The following FGF1 variants were observed in gnomAD, a reference collection of about 807,000 sequenced individuals.
FGF1 encodes fibroblast growth factor 1.
Under a neutral mutation model 13.4 loss-of-function variants are expected in FGF1, and 9 were observed. That is an observed-to-expected ratio of 0.67 (90% confidence interval 0.40 to 1.17). The LOEUF is 1.17. FGF1 is among the 50% of genes most tolerant of loss of function. FGF1 has a pLI of 0.01. For missense variants in FGF1, 156 were observed against 192.7 expected, an observed-to-expected ratio of 0.81 and a Z score of 1.13; for synonymous variants, 93 against 79.0, an observed-to-expected ratio of 1.18 and a Z score of -0.94.
chr5:142,660,928 AGGCAACAGGACTCCT>A (rs1769105666), intron 1 of FGF1, among the ~76,000 whole-genome samples: 1 of 152,196 alleles, frequency 6.6e-6, no homozygotes, highest in African/African-American at 2.4e-5. Context: ...CTCTGGCTCC[AGGCAACAGGACTCCT>A]GGCCCAGGCT....
chr5:142,609,066 G>A (rs953914007), intron 2 of FGF1, among the ~76,000 whole-genome samples: 1 of 151,974 alleles, frequency 6.6e-6, no homozygotes, highest in Non-Finnish European at 1.5e-5. Context: ...TAACTGCTAG[G>A]TGCTGAGTGA....
upstream of FGF1, among the ~76,000 whole-genome samples, chr5:142,689,696 T>TG (rs764196191): frequency 2.9e-5 from 2 of 69,430 alleles, no homozygotes; most frequent in East Asian, 2.6e-4. Flanking sequence ...CGATCCTAGT[T>TG]TTTTTTTTTT....
intron 1 of FGF1, among the ~76,000 whole-genome samples, chr5:142,677,690 C>T (rs983672238): frequency 2.6e-5 from 4 of 152,270 alleles, no homozygotes; most frequent in South Asian, 2.1e-4. Flanking sequence ...CTTTAACACT[C>T]CCAACATTTA....
chr5:142,613,887 G>A (rs1561553149), intron 2 of FGF1, 72 bp downstream of exon 2: 1 of 1,506,180 alleles, frequency 6.6e-7, no homozygotes, highest in Non-Finnish European at 9.0e-7. Context: ...GTACTTAAAT[G>A]TGCACCTTCC....
intron 2 of FGF1, among the ~76,000 whole-genome samples, chr5:142,602,587 G>A (rs1230346327): frequency 6.6e-6 from 1 of 152,182 alleles, no homozygotes; most frequent in Non-Finnish European, 1.5e-5. Context: ...CTGGGGGGAT[G>A]CAGAAACAAG....
Position 142,656,516 on chromosome 5 carries a change from G to A in FGF1, c.-35+29441C>T, listed in dbSNP as rs116146453. Among the ~76,000 whole-genome samples, 1,069 of 152,260 alleles carry A rather than the reference G, an allele frequency of 7.0e-3. 12 individuals carry two copies. Among genetic ancestry groups the A allele is most frequent in the African/African-American group, 0.023 (935 of 41,538 alleles). ...AACAGCATACTTATGTGTAGACCCC[G>A]TGACTGACAACTCCAGCATTAAGAA... On this transcript the variant is annotated intron_variant, in intron 1 of 3. Transcript: ENST00000337706.
intron 1 of FGF1, among the ~76,000 whole-genome samples, chr5:142,674,884 T>C (rs367918511): frequency 2.0e-5 from 3 of 152,132 alleles, no homozygotes; most frequent in East Asian, 1.9e-4. Flanking sequence ...GGGAGAGGCC[T>C]GGAGGGAACG....
chr5:142,604,554 G>C (rs1757242736), intron 2 of FGF1, among the ~76,000 whole-genome samples: 1 of 152,066 alleles, frequency 6.6e-6, no homozygotes, highest in Non-Finnish European at 1.5e-5. Flanking sequence ...CAAAGTATTT[G>C]CCTCTGTTTC....
At chr5:142,605,783 C>A (rs936353281) in intron 2 of FGF1, among the ~76,000 whole-genome samples, 27 of 152,178 alleles carry the variant, frequency 1.8e-4, no homozygotes, top group Non-Finnish European at 8.8e-5. Flanking sequence ...GTAGGGCTGG[C>A]AGGAAGGAGC....
chr5:142,689,714 T>TTTC, upstream of FGF1, among the ~76,000 whole-genome samples: 1 of 139,680 alleles, frequency 7.2e-6, no homozygotes, highest in Admixed American at 7.2e-5. Context: ...TTTTTTTTTT[T>TTTC]CTGAGACAAG....
intron 1 of FGF1, among the ~76,000 whole-genome samples, chr5:142,638,144 G>C (rs190588223): frequency 6.6e-6 from 1 of 152,108 alleles, no homozygotes; most frequent in East Asian, 1.9e-4. Context: ...AGCTCTCCTG[G>C]TCTTTGTACT....
intron 1 of FGF1, chr5:142,671,770 C>G (rs1437261633): frequency 6.6e-6 from 1 of 152,240 alleles, no homozygotes; most frequent in Non-Finnish European, 1.5e-5. Flanking sequence ...TGAACACGTT[C>G]TGCACATTTG....
chr5:142,603,978 T>C (rs1235911394), intron 2 of FGF1, among the ~76,000 whole-genome samples: 3 of 152,240 alleles, frequency 2.0e-5, no homozygotes, highest in African/African-American at 7.2e-5. Context: ...CAGATGAGTC[T>C]GGAAACAGTG....
At position 142,628,010 on chromosome 5, in the gene FGF1, A is replaced by G. The variant is rs992227472; in HGVS notation, c.-34-13849T>C. 2.0e-5 allele frequency among the ~76,000 whole-genome samples: 3 copies of G among 152,116 alleles called. No homozygotes were observed. The East Asian group carries it at 5.8e-4, about 29-fold the overall frequency. On this transcript the variant is annotated intron_variant, in intron 1 of 3. Transcript: ENST00000337706. Reference sequence around the variant, plus strand: ...CTACACCTGGCTCCACTCACAACCCAGCTGTTGGCAGGCAAAGGAGTCCTC... The same window carrying G: ...CTACACCTGGCTCCACTCACAACCCGGCTGTTGGCAGGCAAAGGAGTCCTC...
chr5:142,605,372 C>T (rs959232900), intron 2 of FGF1, among the ~76,000 whole-genome samples: 2 of 151,834 alleles, frequency 1.3e-5, no homozygotes, highest in Non-Finnish European at 1.5e-5. Flanking sequence ...CCACCCCCCT[C>T]GGCCTCCCAA....
intron 1 of FGF1, among the ~76,000 whole-genome samples, chr5:142,647,934 G>A (rs566522526): frequency 1.2e-3 from 190 of 152,200 alleles, no homozygotes; most frequent in Non-Finnish European, 2.3e-3. Flanking sequence ...AAGTACAAAA[G>A]ATTAGCTGGG....
intron 1 of FGF1, among the ~76,000 whole-genome samples, chr5:142,627,344 G>A (rs1762620869): frequency 6.6e-6 from 1 of 152,096 alleles, no homozygotes; most frequent in Non-Finnish European, 1.5e-5. Flanking sequence ...CAAATCTGTG[G>A]CTTAGTCAAT....
chr5:142,614,149 G>C lies in FGF1; in HGVS notation c.-22C>G, dbSNP rs1250430516. 2.5e-6 allele frequency: 4 copies of C among 1,613,798 alleles called. No individual in the cohort carries two copies. The highest frequency in any genetic ancestry group is 2.7e-5 in the African/African-American group (2 of 75,038). ...CCATGGCTCAGCAGCTGCTGCTTGT[G>C]GCGCTTTCAAGACTGTAAGAAATTG... is the stretch of plus-strand genomic sequence containing the variant. On this transcript the variant is annotated 5_prime_UTR_variant, in exon 2 of 4. Coordinates refer to ENST00000337706, the MANE Select transcript of FGF1 (RefSeq NM_000800.5).
At chr5:142,639,296 C>G (rs2151946348) in intron 1 of FGF1, among the ~76,000 whole-genome samples, 1 of 152,014 alleles carries the variant, frequency 6.6e-6, no homozygotes, top group African/African-American at 2.4e-5. Flanking sequence ...ATGAAATGGA[C>G]ACTTCATTTC....
Sources: allele counts gnomAD v4.1 joint callset (sites outside exome capture counted in the v4.1 genomes callset), GRCh38; gene constraint gnomAD v4.1.1; transcripts MANE v1.5; gene names NCBI Gene and HGNC (gene_info 2026-07-23, HGNC 2026-07-21).